Variants in FMN1 observed in about 807,000 individuals in gnomAD.
FMN1 encodes formin 1.
FMN1 carries 110 observed loss-of-function variants against 132.4 expected under a neutral mutation model. That is an observed-to-expected ratio of 0.83 (90% CI 0.71 to 0.97). The LOEUF (loss-of-function observed/expected upper bound fraction) is 0.97. Among genes scored for constraint, FMN1 ranks in the 50% least tolerant of loss-of-function variants. FMN1 has a pLI of 0.00. For missense variants in FMN1, 1,792 were observed against 1,705.3 expected, an observed-to-expected ratio of 1.05 and a Z score of -0.90; for synonymous variants, 722 against 651.7, an observed-to-expected ratio of 1.11 and a Z score of -1.64.
intron 4 of FMN1, among the ~76,000 whole-genome samples, chr15:33,113,188 T>C (rs918043270): frequency 6.6e-6 from 1 of 152,192 alleles, no homozygotes; most frequent in Non-Finnish European, 1.5e-5. Flanking sequence ...GTGTACTGTG[T>C]GATCATTTGT....
chr15:32,966,458 C>T (rs1261995579), intron 8 of FMN1, among the ~76,000 whole-genome samples: 1 of 151,906 alleles, frequency 6.6e-6, no homozygotes, highest in African/African-American at 2.4e-5. Flanking sequence ...ACTGAACATA[C>T]AATTCTAGCT....
At chr15:32,868,622 C>T (rs886975960) in intron 16 of FMN1, among the ~76,000 whole-genome samples, 1 of 152,152 alleles carries the variant, frequency 6.6e-6, no homozygotes, top group African/African-American at 2.4e-5. Context: ...ACGTGAAAAA[C>T]ATCTCTCTTC....
chr15:33,011,664 G>A (rs1286807843), intron 6 of FMN1, among the ~76,000 whole-genome samples: 4 of 151,990 alleles, frequency 2.6e-5, no homozygotes, highest in African/African-American at 7.2e-5. Flanking sequence ...CATCAATAGA[G>A]ATAACATTCC....
chr15:32,841,316 G>A (rs1213097413), intron 17 of FMN1, among the ~76,000 whole-genome samples: 1 of 152,078 alleles, frequency 6.6e-6, no homozygotes, highest in Non-Finnish European at 1.5e-5. Flanking sequence ...ATATATCCAA[G>A]GGAATCATTC....
chr15:32,803,376 C>T (rs1048756660), intron 18 of FMN1, among the ~76,000 whole-genome samples: 1 of 152,186 alleles, frequency 6.6e-6, no homozygotes, highest in African/African-American at 2.4e-5. Flanking sequence ...CACTGACTAA[C>T]CTGGTCAACT....
At chr15:33,074,281 G>C (rs1265694309) in intron 5 of FMN1, among the ~76,000 whole-genome samples, 1 of 152,124 alleles carries the variant, frequency 6.6e-6, no homozygotes, top group Non-Finnish European at 1.5e-5. Flanking sequence ...TAATTCACAG[G>C]AATATAAAGC....
chr15:33,093,039 G>A (rs1267818572), intron 4 of FMN1, among the ~76,000 whole-genome samples: 1 of 152,164 alleles, frequency 6.6e-6, no homozygotes, highest in Non-Finnish European at 1.5e-5. Flanking sequence ...ATTTCCTAAA[G>A]GAAGTCTGTG....
At chr15:32,940,621 T>C (rs567573640) in intron 9 of FMN1, among the ~76,000 whole-genome samples, 1 of 152,262 alleles carries the variant, frequency 6.6e-6, no homozygotes, top group Admixed American at 6.5e-5. Context: ...AGCACAATCT[T>C]TATCCACGTA....
chr15:33,154,054 C>T lies in FMN1; in HGVS notation c.861G>A (p.Gly287=). The T allele has an allele frequency of 2.6e-6, 4 of 1,536,114 alleles. No individual in the cohort carries two copies. Among genetic ancestry groups the T allele is most frequent in the Non-Finnish European group, 3.5e-6 (4 of 1,146,842 alleles). Residue 287 remains glycine, a synonymous_variant, in exon 4 of 21, where the codon GGG becomes GGA. Coordinates refer to ENST00000616417, the MANE Select transcript of FMN1 (RefSeq NM_001277313.2). ...GGDGIRRPPS[G]LEHQQTGLSE... The stretch of plus-strand genomic sequence containing the variant: ...ACAAACCTGTTTGCTGATGCTCCAG[C>T]CCGCTCGGCGGCCTCCGAATGCCAT...
At chr15:32,952,082 T>C (rs1567453137) in intron 9 of FMN1, among the ~76,000 whole-genome samples, 2 of 152,218 alleles carry the variant, frequency 1.3e-5, no homozygotes, top group Non-Finnish European at 2.9e-5. Flanking sequence ...CCATGCACCT[T>C]CAGCCTCAGA....
chr15:32,776,690 T>TTC, intron 20 of FMN1, 145 bp downstream of exon 20: 1 of 313,700 alleles, frequency 3.2e-6, no homozygotes. Flanking sequence ...ACACATACTT[T>TTC]TTTTTTTTTT....
At chr15:33,032,366 T>C (rs1191097801) in intron 6 of FMN1, among the ~76,000 whole-genome samples, 1 of 152,224 alleles carries the variant, frequency 6.6e-6, no homozygotes, top group Non-Finnish European at 1.5e-5. Flanking sequence ...AAAATAAATA[T>C]TAGCTTAAAG....
intron 12 of FMN1, among the ~76,000 whole-genome samples, chr15:32,906,152 T>A (rs1225328477): frequency 6.6e-6 from 1 of 152,192 alleles, no homozygotes; most frequent in East Asian, 1.9e-4. Context: ...GCATGATCTC[T>A]CCCTGCCTGT....
chr15:32,971,803 C>T (rs1026502758), intron 7 of FMN1, among the ~76,000 whole-genome samples: 1 of 152,182 alleles, frequency 6.6e-6, no homozygotes, highest in Non-Finnish European at 1.5e-5. Context: ...TATTGAGTTT[C>T]TGCCTCCCCT....
chr15:32,951,680 C>T (rs1160192539), intron 9 of FMN1, among the ~76,000 whole-genome samples: 1 of 152,118 alleles, frequency 6.6e-6, no homozygotes, highest in Non-Finnish European at 1.5e-5. Context: ...AAGCCCCAGG[C>T]CAAACATTTC....
intron 7 of FMN1, among the ~76,000 whole-genome samples, chr15:32,996,442 C>T (rs946697909): frequency 1.4e-4 from 21 of 152,124 alleles, no homozygotes; most frequent in Non-Finnish European, 7.3e-5. Context: ...GACAAATATC[C>T]ACCCAAAGAT....
intron 7 of FMN1, among the ~76,000 whole-genome samples, chr15:32,979,152 A>C (rs1307022770): frequency 6.6e-6 from 1 of 152,162 alleles, no homozygotes; most frequent in Non-Finnish European, 1.5e-5. Flanking sequence ...TGCTGTATAA[A>C]CCTGGTAGAA....
chr15:33,012,654 C>G, intron 6 of FMN1: 1 of 890,056 alleles, frequency 1.1e-6, no homozygotes, highest in Middle Eastern at 3.3e-4. Context: ...GTAGGAAAGC[C>G]CTGTCAAAGC....
chr15:32,940,290 T>C (rs2061371060), intron 9 of FMN1, among the ~76,000 whole-genome samples: 1 of 152,146 alleles, frequency 6.6e-6, no homozygotes. Flanking sequence ...TTTCTAGGCC[T>C]GCCCTTGCTC....
Sources: gnomAD v4.1 joint callset for allele counts (sites outside exome capture counted in the v4.1 genomes callset) on GRCh38, gnomAD v4.1.1 for gene constraint, MANE v1.5 for transcripts, NCBI Gene and HGNC (gene_info 2026-07-23, HGNC 2026-07-21) for gene names.